GOLGB1: variants seen among roughly 807,000 people sequenced by gnomAD.
GOLGB1 encodes golgin subfamily B member 1.
In GOLGB1, 174 loss-of-function variants were observed where a neutral mutation model predicts 336.9. The observed-to-expected ratio is 0.52, with a 90% CI of 0.46 to 0.59. The LOEUF is 0.59. Among genes scored for constraint, GOLGB1 ranks in the 20% least tolerant of loss-of-function variants. GOLGB1 has a pLI of 0.00. For missense variants in GOLGB1, 3,331 were observed against 3,645.3 expected (o/e 0.91, Z 2.22); for synonymous variants, 1,208 against 1,289.2 (o/e 0.94, Z 1.35).
Position 121,696,429 on chromosome 3 carries a change from G to A in GOLGB1, c.4094C>T (p.Ser1365Phe). 1 of 1,614,016 alleles carries A rather than the reference G, an allele frequency of 6.2e-7. No individual in the cohort carries two copies. The highest frequency in any genetic ancestry group is 2.2e-5 in the East Asian group (1 of 44,882). The change falls in exon 13 of 22, where the codon TCC becomes TTC. Residue 1365 changes from serine to phenylalanine, a missense_variant. Coordinates refer to ENST00000614479, the MANE Select transcript of GOLGB1 (RefSeq NM_001366282.2). ...TTCGGCATGGACTTCAGCTTCATGG[G>A]ATACTGTCTTTAGACTCTCGATTTC... ...GLEIESLKTV[S>F]HEAEVHAESL...
At chr3:121,688,561 C>T (rs1250762141) in intron 14 of GOLGB1, among the ~76,000 whole-genome samples, 1 of 152,244 alleles carries the variant, frequency 6.6e-6, no homozygotes, top group Non-Finnish European at 1.5e-5. Flanking sequence ...AGCCGCCTGC[C>T]TTGGCCTCCC....
At chr3:121,700,401 G>A (rs1450743786) in intron 11 of GOLGB1, among the ~76,000 whole-genome samples, 1 of 151,946 alleles carries the variant, frequency 6.6e-6, no homozygotes, top group Non-Finnish European at 1.5e-5. Context: ...CAGGGAGCTG[G>A]GATTAGAATC....
At chr3:121,741,979 T>C (rs1244752033) in intron 1 of GOLGB1, among the ~76,000 whole-genome samples, 1 of 152,160 alleles carries the variant, frequency 6.6e-6, no homozygotes, top group African/African-American at 2.4e-5. Context: ...CAGGTTCCCA[T>C]TGGCTAAAAG....
intron 5 of GOLGB1, among the ~76,000 whole-genome samples, chr3:121,725,983 A>ATTCT (rs34367194): frequency 0.13 from 19,084 of 151,794 alleles, 1,394 homozygotes; most frequent in African/African-American, 0.19. Flanking sequence ...TAAGAAATAA[A>ATTCT]TTTATTTAAA....
In GOLGB1 at chr3:121,694,676, A is replaced by G; in HGVS notation, c.5847T>C (p.Val1949=). 1 of 1,611,424 alleles carries G rather than the reference A, an allele frequency of 6.2e-7. No homozygotes were observed. The highest frequency in any genetic ancestry group is 8.5e-7 in the Non-Finnish European group (1 of 1,179,690). ...NGSIGNYCQD[V]TDAQIKNELL... is the part of the protein sequence containing the mutation. ...GCTCATTTTTTATTTGGGCATCTGT[A>G]ACATCCTGACAGTAATTCCCAATGC... The change falls in exon 13 of 22, where the codon GTT becomes GTC. Residue 1949 remains valine (V), a synonymous_variant. Coordinates refer to ENST00000614479, the MANE Select transcript of GOLGB1 (RefSeq NM_001366282.2).
chr3:121,737,396 T>C (rs540757982), intron 1 of GOLGB1, among the ~76,000 whole-genome samples: 34 of 152,222 alleles, frequency 2.2e-4, no homozygotes, highest in Admixed American at 4.6e-4. Flanking sequence ...CTCATGCCTG[T>C]AATCCCAGCA....
rs757469270 is a variant in GOLGB1, at chr3:121,696,725, T to G, written c.3798A>C (p.Pro1266=). Residue 1266 remains proline, a synonymous_variant, in exon 13 of 22, where the codon CCA becomes CCC. Transcript: ENST00000614479. ...CTTTGAATAAAGGTTCTTCTAAACC[T>G]GGAGTGGAAGAACACGATTCCTGCT... is the stretch of plus-strand genomic sequence containing the variant. ...TDQQESCSST[P]GLEEPLFKAT... The G allele has an allele frequency of 1.2e-6, 2 of 1,614,076 alleles. No individual in the cohort carries two copies. Among genetic ancestry groups the G allele is most frequent in the South Asian group, 2.2e-5 (2 of 91,082 alleles).
chr3:121,745,272 A>ATATGTATATATACATATGTATACGTG (rs1264130601), intron 1 of GOLGB1, among the ~76,000 whole-genome samples: 2,382 of 147,652 alleles, frequency 0.016, 25 homozygotes, highest in East Asian at 0.033. Flanking sequence ...CTATGTATGT[A>ATATGTATATATACATATGTATACGTG]TATGTATATA....
chr3:121,715,763 C>G (rs1274697524), intron 9 of GOLGB1, among the ~76,000 whole-genome samples: 7 of 151,910 alleles, frequency 4.6e-5, no homozygotes, highest in Non-Finnish European at 8.8e-5. Context: ...GATGCCGAGG[C>G]GGGCAGATCA....
chr3:121,723,491 T>A lies in GOLGB1; in HGVS notation c.532-1113A>T, dbSNP rs1945336549. On this transcript the variant is annotated intron_variant, in intron 5 of 21. Coordinates refer to ENST00000614479, the MANE Select transcript of GOLGB1 (RefSeq NM_001366282.2). ...AATATAAACATTTATTATAATTGAA[T>A]TATTTTCCAAGTTCAAAAATAAATA... is the stretch of plus-strand genomic sequence containing the variant. Among the ~76,000 whole-genome samples the A allele has an allele frequency of 2.6e-5, 4 of 152,266 alleles. No homozygotes were observed. In the South Asian group the frequency reaches 8.3e-4, roughly 31 times the overall value.
chr3:121,698,248 T>C lies in GOLGB1; in HGVS notation c.2275A>G (p.Lys759Glu), dbSNP rs1943116050. 4 of 1,613,946 alleles carry C rather than the reference T, an allele frequency of 2.5e-6. No homozygotes were observed. Among genetic ancestry groups the C allele is most frequent in the Non-Finnish European group, 3.4e-6 (4 of 1,179,892 alleles). ...AATTCTGTTACCATGCTAAGTTCCT[T>C]CACCTGAGAGAGAAGCTGGTCTCTT... ...EERDQLLSQV[K>E]ELSMVTELRA... is the part of the protein sequence containing the mutation. Residue 759 changes from lysine (K) to glutamate (E), a missense_variant, in exon 13 of 22, where the codon AAG becomes GAG. By Grantham distance (56) the Lys-to-Glu change is moderately conservative (BLOSUM62 1). Transcript: ENST00000614479.
chr3:121,722,508 C>T, intron 5 of GOLGB1, 130 bp from the exon 6 acceptor site: 1 of 581,160 alleles, frequency 1.7e-6, no homozygotes, highest in Non-Finnish European at 3.0e-6. Context: ...TCCATTGAAC[C>T]CAAAAGGAAA....
intron 14 of GOLGB1, 141 bp downstream of exon 14, chr3:121,690,529 G>A (rs1942310342): frequency 2.2e-6 from 1 of 446,140 alleles, no homozygotes; most frequent in African/African-American, 2.0e-5. Context: ...AGACCAAACA[G>A]AACCTGTGGG....
rs537556767 is a variant in GOLGB1 at position 121,695,502 on chromosome 3, T to C, written c.5021A>G (p.Gln1674Arg). 8 of 1,614,116 alleles carry C rather than the reference T, an allele frequency of 5.0e-6. No individual in the cohort carries two copies. The highest frequency in any genetic ancestry group is 5.9e-6 in the Non-Finnish European group (7 of 1,180,006). Residue 1674 changes from glutamine to arginine, a missense_variant, in exon 13 of 22, where the codon CAA becomes CGA. By Grantham distance (43) the Gln-to-Arg change is conservative. Coordinates refer to ENST00000614479, the MANE Select transcript of GOLGB1 (RefSeq NM_001366282.2). ...ETEKQLQEAE[Q>R]EMEEMKEKMR... ...CTTTTCTTTCATTTCCTCCATTTCT[T>C]GCTCAGCTTCCTGCAACTGCTTTTC... is the stretch of plus-strand genomic sequence containing the variant.
chr3:121,680,744 G>T (rs552998584), intron 15 of GOLGB1, among the ~76,000 whole-genome samples: 1 of 152,080 alleles, frequency 6.6e-6, no homozygotes, highest in Non-Finnish European at 1.5e-5. Context: ...TTTGCAAACC[G>T]CAAATCAAAC....
In GOLGB1 at chr3:121,731,239, C is replaced by T. The variant is rs747600220; in HGVS notation, c.-2-266G>A. On this transcript the variant is annotated intron_variant, in intron 1 of 21. Transcript: ENST00000614479. ...CTAAAATAAAATGTAAGTACCTAAT[C>T]GTTAAACATTAATACAATGTTAAAT... Among the ~76,000 whole-genome samples the T allele has an allele frequency of 1.3e-4, 20 of 152,256 alleles. No individual in the cohort carries two copies. In the East Asian group the frequency reaches 1.5e-3, roughly 12 times the overall value.
chr3:121,731,983 G>C (rs1034418491), intron 1 of GOLGB1, among the ~76,000 whole-genome samples: 1 of 152,058 alleles, frequency 6.6e-6, no homozygotes, highest in African/African-American at 2.4e-5. Context: ...ATAAATGAAA[G>C]AGGAAACATC....
chr3:121,747,312 T>C (rs1004165588), intron 1 of GOLGB1, among the ~76,000 whole-genome samples: 4 of 143,580 alleles, frequency 2.8e-5, no homozygotes, highest in East Asian at 2.0e-4. Context: ...TATGTATATA[T>C]GTATATATGT....
chr3:121,749,395 G>C lies in GOLGB1; in HGVS notation c.-3+237C>G, dbSNP rs554007353. Among the ~76,000 whole-genome samples, 58 of 152,334 alleles carry C rather than the reference G, an allele frequency of 3.8e-4. 1 individual carries two copies. In the South Asian group the frequency reaches 0.012, roughly 31 times the overall value. ...GACAGACCGTGAGCAAGTGGTCCAA[G>C]TCTGCGCAGGGTGACCCCGAAGGCC... On this transcript the variant is annotated intron_variant, in intron 1 of 21. Transcript: ENST00000614479.
Sources: gnomAD v4.1 joint callset for allele counts (sites outside exome capture counted in the v4.1 genomes callset) on GRCh38, gnomAD v4.1.1 for gene constraint, MANE v1.5 for transcripts, NCBI Gene and HGNC (gene_info 2026-07-23, HGNC 2026-07-21) for gene names.